SS18: variants seen among roughly 807,000 people sequenced by gnomAD.
SS18 encodes the protein SS18 subunit of BAF chromatin remodeling complex.
SS18 carries 28 observed loss-of-function variants against 72.5 expected under a neutral mutation model. That is an observed-to-expected ratio of 0.39 (90% CI 0.29 to 0.53). The LOEUF is 0.53. Ranked by LOEUF, SS18 falls within the 20% of genes least tolerant of loss-of-function variation. The pLI is 0.76. For synonymous variants in SS18, 172 were observed against 164.2 expected, an observed-to-expected ratio of 1.05 and a Z score of -0.37; for missense variants, 518 against 535.3, an observed-to-expected ratio of 0.97 and a Z score of 0.32.
chr18:26,073,544 T>C (rs928154423), intron 3 of SS18, among the ~76,000 whole-genome samples: 2 of 152,238 alleles, frequency 1.3e-5, no homozygotes, highest in African/African-American at 4.8e-5. Context: ...TTTATAATGA[T>C]GGTACAAAAG....
Position 26,035,905 on chromosome 18 carries a change from T to C in SS18, c.899A>G (p.Tyr300Cys), listed in dbSNP as rs2053618827. The part of the protein sequence containing the change: ...YYPDGHNDYG[Y>C]QQPSYPEQGY... ...TTGTTCAGGATACGACGGTTGCTGATAACCGTAATCATTATGACCTACATC... is the reference window on the plus strand; with the variant it reads ...TTGTTCAGGATACGACGGTTGCTGACAACCGTAATCATTATGACCTACATC... Residue 300 changes from tyrosine to cysteine, a missense_variant, in exon 8 of 11, where the codon TAT becomes TGT. Coordinates refer to ENST00000415083, the MANE Select transcript of SS18 (RefSeq NM_001007559.3). The surrounding 1 kb of genome is among the most constrained non-coding windows in gnomAD (Gnocchi z 4.4). 1 of 1,599,208 alleles carries C rather than the reference T, an allele frequency of 6.3e-7. No homozygotes were observed. The highest frequency in any genetic ancestry group is 8.5e-7 in the Non-Finnish European group (1 of 1,171,080).
intron 5 of SS18, among the ~76,000 whole-genome samples, chr18:26,047,706 G>A (rs1598562390): frequency 6.6e-6 from 1 of 152,208 alleles, no homozygotes; most frequent in East Asian, 1.9e-4. Context: ...AGCCGGGCAT[G>A]GTGGCGGGCA....
chr18:26,057,939 TCAG>T (rs2054052802), intron 3 of SS18, among the ~76,000 whole-genome samples, 197 bp from the exon 4 acceptor site: 2 of 152,324 alleles, frequency 1.3e-5, no homozygotes, highest in East Asian at 1.9e-4. Context: ...TTATAAAATC[TCAG>T]TAGTGAAAAT....
At chr18:26,045,236 C>T (rs940441751) in intron 5 of SS18, among the ~76,000 whole-genome samples, 1 of 152,148 alleles carries the variant, frequency 6.6e-6, no homozygotes, top group African/African-American at 2.4e-5. Context: ...TCATGTTATT[C>T]CAGTGCTCAA....
intron 1 of SS18, 38 bp downstream of exon 1, chr18:26,090,463 G>A (rs2054703605): frequency 1.3e-6 from 2 of 1,548,078 alleles, no homozygotes; most frequent in Non-Finnish European, 1.7e-6. Flanking sequence ...TCCCAGAGGC[G>A]GTAAGGGCCT....
intron 5 of SS18, among the ~76,000 whole-genome samples, chr18:26,041,168 A>AC: frequency 6.6e-6 from 1 of 152,358 alleles, no homozygotes; most frequent in Non-Finnish European, 1.5e-5. Context: ...CACACCTGTA[A>AC]TCCCAGCACT....
chr18:26,081,087 T>G (rs1414400429), intron 2 of SS18: 2 of 55,484 alleles, frequency 3.6e-5, no homozygotes, highest in Non-Finnish European at 5.8e-5. Context: ...AGACTCCGTC[T>G]CAAAAAAAAA....
At chr18:26,061,404 A>C (rs1174310391) in intron 3 of SS18, among the ~76,000 whole-genome samples, 1 of 152,260 alleles carries the variant, frequency 6.6e-6, no homozygotes, top group Non-Finnish European at 1.5e-5. Context: ...TGACAATTCC[A>C]GAAAAGGAAA....
At chr18:26,055,235 A>G (rs938241222) in intron 4 of SS18, among the ~76,000 whole-genome samples, 1 of 151,850 alleles carries the variant, frequency 6.6e-6, no homozygotes, top group Non-Finnish European at 1.5e-5. Flanking sequence ...GGGAGGCTGA[A>G]GCGGGTGGAT....
At chr18:26,087,397 A>C (rs2054634392) in intron 2 of SS18, 104 bp downstream of exon 2, 1 of 691,782 alleles carries the variant, frequency 1.4e-6, no homozygotes, top group Non-Finnish European at 2.6e-6. Context: ...AAATAGGTGA[A>C]TTGTATGGTA....
upstream of SS18, chr18:26,090,688 C>T (rs1015088593): frequency 5.7e-6 from 6 of 1,053,594 alleles, no homozygotes; most frequent in Admixed American, 6.7e-5. Flanking sequence ...GGGGATGCTC[C>T]GGGGCCAAGC....
intron 3 of SS18, among the ~76,000 whole-genome samples, chr18:26,059,560 A>G (rs1355755315): frequency 6.6e-6 from 1 of 152,158 alleles, no homozygotes; most frequent in African/African-American, 2.4e-5. Flanking sequence ...TGTAGGCCCC[A>G]CCAAGTTAGA....
chr18:26,022,405 T>C (rs895975513), intron 10 of SS18, among the ~76,000 whole-genome samples: 9 of 151,788 alleles, frequency 5.9e-5, no homozygotes, highest in Non-Finnish European at 1.2e-4. Flanking sequence ...ATGTTTCTAT[T>C]CAAGATGGAT....
At chr18:26,063,258 G>A (rs1051102222) in intron 3 of SS18, among the ~76,000 whole-genome samples, 15 of 152,198 alleles carry the variant, frequency 9.9e-5, no homozygotes, top group African/African-American at 3.6e-4. Context: ...GGTGGTTCAT[G>A]CCTGTAATCC....
Position 26,057,641 on chromosome 18 carries a change from A to C in SS18, c.333T>G (p.Gly111=). ...GCATGTGCGGTGCAGGAGGACCCCC[A>C]CCTACCATTCCATCTGAAGGCATGT... is the stretch of plus-strand genomic sequence containing the variant. ...SHNMPSDGMV[G]GGPPAPHMQN... The change falls in exon 4 of 11, where the codon GGT becomes GGG. Residue 111 remains glycine, a synonymous_variant. Coordinates refer to ENST00000415083, the MANE Select transcript of SS18 (RefSeq NM_001007559.3). 4 of 1,613,998 alleles carry C rather than the reference A, an allele frequency of 2.5e-6. No homozygotes were observed. Among genetic ancestry groups the C allele is most frequent in the Non-Finnish European group, 3.4e-6 (4 of 1,179,978 alleles).
Position 26,032,438 on chromosome 18 carries a change from T to C in SS18, c.1191A>G (p.Pro397=). Residue 397 remains proline, a synonymous_variant, in exon 10 of 11, where the codon CCA becomes CCG. Coordinates refer to ENST00000415083, the MANE Select transcript of SS18 (RefSeq NM_001007559.3). Reference sequence around the variant, plus strand: ...AAGGCCTCTGCTGGGGTGGCTGTGGTGGTCCAGGCTGTGTTGGTCTATATC... The same window carrying C: ...AAGGCCTCTGCTGGGGTGGCTGTGGCGGTCCAGGCTGTGTTGGTCTATATC... The part of the protein sequence containing the change: ...YGGYRPTQPG[P]PQPPQQRPYG... 1 of 1,613,888 alleles carries C rather than the reference T, an allele frequency of 6.2e-7. No individual in the cohort carries two copies. Among genetic ancestry groups the C allele is most frequent in the Non-Finnish European group, 8.5e-7 (1 of 1,179,838 alleles).
Position 26,017,007 on chromosome 18 carries a change from A to G in SS18, c.*1347T>C, listed in dbSNP as rs778077544. The G allele has an allele frequency of 3.1e-5, 7 of 225,456 alleles. No homozygotes were observed. The highest frequency in any genetic ancestry group is 6.2e-5 in the Non-Finnish European group (7 of 113,064). The allele number at this position is 225,456 out of a possible 1,614,324, so 14.0% of individuals were successfully genotyped here. A position where few individuals can be genotyped will look rare whatever the true frequency, so the allele number is the denominator to read the frequency against. On this transcript the variant is annotated 3_prime_UTR_variant, in exon 11 of 11. Transcript: ENST00000415083. ...GAAAATAGCAACTTACCTTTGGGCT[A>G]GATGTTTTCAGATTATGCTTAAATA...
chr18:26,055,741 A>C (rs1026494945), intron 4 of SS18, among the ~76,000 whole-genome samples: 5 of 151,454 alleles, frequency 3.3e-5, no homozygotes, highest in Admixed American at 6.6e-5. Context: ...TGTTAGGAGA[A>C]ATTCTTTCTG....
At chr18:26,060,450 C>T (rs980014362) in intron 3 of SS18, among the ~76,000 whole-genome samples, 18 of 151,930 alleles carry the variant, frequency 1.2e-4, no homozygotes, top group African/African-American at 4.4e-4. Flanking sequence ...GTAGTGAAAA[C>T]ATTCTGAAAT....
Sources: allele counts gnomAD v4.1 joint callset (sites outside exome capture counted in the v4.1 genomes callset), GRCh38; gene constraint gnomAD v4.1.1; non-coding constraint Gnocchi (gnomAD v3.1); transcripts MANE v1.5; gene names NCBI Gene and HGNC (gene_info 2026-07-23, HGNC 2026-07-21).